The following PCDHGB1 variants were observed in gnomAD, a reference collection of about 807,000 sequenced individuals.
The protein encoded by PCDHGB1 is protocadherin gamma subfamily B, 1, also known as protocadherin gamma-B1.
Under a neutral mutation model 56.6 loss-of-function variants are expected in PCDHGB1, and 34 were observed. The observed-to-expected ratio is 0.60, with a 90% CI of 0.46 to 0.80. The LOEUF (loss-of-function observed/expected upper bound fraction) is 0.80, where lower values mean the gene tolerates loss of function less well. Ranked by LOEUF, PCDHGB1 falls within the 30% of genes least tolerant of loss-of-function variation. PCDHGB1 has a pLI of 0.00. For synonymous variants in PCDHGB1, 561 were observed against 505.9 expected, an observed-to-expected ratio of 1.11 and a Z score of -1.46; for missense variants, 1,278 against 1,204.6, an observed-to-expected ratio of 1.06 and a Z score of -0.90.
chr5:141,427,150 T>C (rs570999921), intron 1 of PCDHGB1: 6 of 456,866 alleles, frequency 1.3e-5, no homozygotes, highest in African/African-American at 4.0e-5. Flanking sequence ...ATTGGAAATA[T>C]GTTTGTGCTA....
At chr5:141,459,218 C>T (rs2098963524) in intron 1 of PCDHGB1, among the ~76,000 whole-genome samples, 1 of 152,220 alleles carries the variant, frequency 6.6e-6, no homozygotes, top group South Asian at 2.1e-4. Context: ...TTCTCCAGCT[C>T]CAGGCAACAA....
At chr5:141,378,196 A>T (rs1197830416) in intron 1 of PCDHGB1, 1 of 152,188 alleles carries the variant, frequency 6.6e-6, no homozygotes, top group Non-Finnish European at 1.5e-5. Flanking sequence ...TGCCTACTAC[A>T]GTGTCTTTTG....
chr5:141,392,671 C>A, intron 1 of PCDHGB1: 1 of 875,408 alleles, frequency 1.1e-6, no homozygotes, highest in Non-Finnish European at 1.7e-6. Context: ...AAACTAACTG[C>A]TGGACTGCAG....
chr5:141,354,043 A>G (rs1759453619), intron 1 of PCDHGB1, among the ~76,000 whole-genome samples: 1 of 152,250 alleles, frequency 6.6e-6, no homozygotes, highest in South Asian at 2.1e-4. Context: ...GCGATGGCAC[A>G]TGCAATGATA....
chr5:141,478,726 G>A, intron 1 of PCDHGB1: 2 of 1,540,996 alleles, frequency 1.3e-6, no homozygotes, highest in Non-Finnish European at 1.8e-6. Context: ...GCCTGCCAGA[G>A]TGTGGTTTGT....
chr5:141,400,343 A>G, intron 1 of PCDHGB1: 1 of 1,614,026 alleles, frequency 6.2e-7, no homozygotes, highest in South Asian at 1.1e-5. Context: ...CCCCCCAACT[A>G]CAGTCAGGGG....
intron 1 of PCDHGB1, chr5:141,478,545 A>T: frequency 6.2e-7 from 1 of 1,605,606 alleles, no homozygotes; most frequent in Admixed American, 1.7e-5. Context: ...CCTCCCGGAC[A>T]GGTAAGGTTT....
chr5:141,416,718 G>T lies in PCDHGB1; in HGVS notation c.2409+64049G>T, dbSNP rs1202204760. The T allele has an allele frequency of 5.9e-5, 9 of 152,308 alleles. No homozygotes were observed. In the East Asian group the frequency reaches 1.5e-3, roughly 26 times the overall value. The allele number at this position is 152,308 out of a possible 1,614,324, so 9.4% of individuals were successfully genotyped here. On this transcript the variant is annotated intron_variant, in intron 1 of 3. Transcript: ENST00000523390. ...AAAGGATCATTGGAGGTACTGATGAGTTCATTTAGTTCAATGAAAATAGTG... is the reference window on the plus strand; with the variant it reads ...AAAGGATCATTGGAGGTACTGATGATTTCATTTAGTTCAATGAAAATAGTG...
At chr5:141,503,502 G>A (rs750139098) in intron 2 of PCDHGB1, among the ~76,000 whole-genome samples, 5 of 151,828 alleles carry the variant, frequency 3.3e-5, no homozygotes, top group Admixed American at 2.0e-4. Context: ...AAGAGGCTGA[G>A]GCAGGAGAAT....
chr5:141,414,690 G>A (rs377704657), intron 1 of PCDHGB1: 53 of 1,613,888 alleles, frequency 3.3e-5, no homozygotes, highest in Middle Eastern at 1.6e-4. Flanking sequence ...GGGTACCTCT[G>A]TCCTCATACA....
intron 1 of PCDHGB1, among the ~76,000 whole-genome samples, chr5:141,474,463 T>C (rs1447737626): frequency 6.6e-6 from 1 of 152,228 alleles, no homozygotes; most frequent in Admixed American, 6.5e-5. Flanking sequence ...GCTATACTCT[T>C]TATTCTAAAT....
chr5:141,481,065 AAAAG>A (rs1476331686), intron 1 of PCDHGB1, among the ~76,000 whole-genome samples: 1 of 152,164 alleles, frequency 6.6e-6, no homozygotes, highest in Non-Finnish European at 1.5e-5. Flanking sequence ...CTCAAAAACA[AAAAG>A]AAAGAAAGAA....
chr5:141,400,126 G>C, intron 1 of PCDHGB1: 1 of 1,614,090 alleles, frequency 6.2e-7, no homozygotes. Context: ...CTTGCAGGAG[G>C]TGCTGCCGGA....
intron 1 of PCDHGB1, chr5:141,421,506 G>T: frequency 6.2e-7 from 1 of 1,614,076 alleles, no homozygotes; most frequent in Non-Finnish European, 8.5e-7. Context: ...GGATAGACCG[G>T]GAGGAGCTCT....
chr5:141,408,315 C>T lies in PCDHGB1; in HGVS notation c.2409+55646C>T, dbSNP rs757628906. The stretch of plus-strand genomic sequence containing the variant: ...AGTGAGCCGATCCGCTACTCGATTC[C>T]GGAGGAGCTGGCCAAGGGCTCGGTG... On this transcript the variant is annotated intron_variant, in intron 1 of 3. Coordinates refer to ENST00000523390, the MANE Select transcript of PCDHGB1 (RefSeq NM_018922.3). The T allele has an allele frequency of 5.6e-6, 9 of 1,613,712 alleles. No homozygotes were observed. The highest frequency in any genetic ancestry group is 6.8e-6 in the Non-Finnish European group (8 of 1,179,748).
intron 1 of PCDHGB1, chr5:141,372,361 C>A (rs1227917364): frequency 6.2e-7 from 1 of 1,613,952 alleles, no homozygotes; most frequent in South Asian, 1.1e-5. Context: ...CCTCTTTCAG[C>A]CACCGTCATG....
chr5:141,455,822 CCCCTTTTCCTGT>C (rs2098832641), intron 1 of PCDHGB1, among the ~76,000 whole-genome samples: 2 of 151,688 alleles, frequency 1.3e-5, no homozygotes, highest in African/African-American at 4.8e-5. Flanking sequence ...TTCCCAAGGA[CCCCTTTTCCTGT>C]CTATCTGCAT....
intron 1 of PCDHGB1, chr5:141,407,873 A>G (rs561323423): frequency 2.0e-5 from 7 of 354,686 alleles, no homozygotes; most frequent in African/African-American, 1.3e-4. Context: ...CGAAGAATAT[A>G]TACATTTCGG....
rs934816631 is a variant in PCDHGB1, at chr5:141,378,863, G to A, written c.2409+26194G>A. 6 of 152,136 alleles carry A rather than the reference G, an allele frequency of 3.9e-5. No individual in the cohort carries two copies. The East Asian group carries it at 7.7e-4, about 20-fold the overall frequency. The allele number at this position is 152,136 out of a possible 1,614,324, so 9.4% of individuals were successfully genotyped here. ...GAGTTTTTGACTGTCAATGATGTTC[G>A]AATAGAAAATGGATCACTAAGGAGA... On this transcript the variant is annotated intron_variant, in intron 1 of 3. Transcript: ENST00000523390.
Sources: allele counts gnomAD v4.1 joint callset (sites outside exome capture counted in the v4.1 genomes callset), GRCh38; gene constraint gnomAD v4.1.1; transcripts MANE v1.5; gene names NCBI Gene and HGNC (gene_info 2026-07-23, HGNC 2026-07-21).